Variants in LINGO2 observed in about 807,000 individuals in gnomAD.
The protein encoded by LINGO2 is leucine rich repeat and Ig domain containing 2.
LINGO2 carries 14 observed loss-of-function variants against 30.6 expected under a neutral mutation model. That is an observed-to-expected ratio of 0.46 (90% CI 0.30 to 0.72). LINGO2 has a LOEUF of 0.72. Among genes scored for constraint, LINGO2 ranks in the 30% least tolerant of loss-of-function variants. LINGO2 has a pLI of 0.07. For synonymous variants in LINGO2, 317 were observed against 288.5 expected (o/e 1.10, Z -1.00); for missense variants, 729 against 751.7 (o/e 0.97, Z 0.35).
At chr9:28,662,753 C>A (rs943903932) in intron 1 of LINGO2, among the ~76,000 whole-genome samples, 4 of 151,900 alleles carry the variant, frequency 2.6e-5, no homozygotes, top group African/African-American at 9.7e-5. Context: ...AAAATAGTGC[C>A]CGGCACATGG....
Position 28,148,018 on chromosome 9 carries a change from G to C in LINGO2, c.-86-135613C>G, listed in dbSNP as rs1827864939. Among the ~76,000 whole-genome samples the C allele has an allele frequency of 6.6e-6, 1 of 152,110 alleles. No homozygotes were observed. The highest frequency in any genetic ancestry group is 1.5e-5 in the Non-Finnish European group (1 of 68,020). On this transcript the variant is annotated intron_variant, in intron 4 of 5. Transcript: ENST00000379992. The surrounding 1 kb of genome is among the most constrained non-coding windows in gnomAD (Gnocchi z 5.1). ...ACTCATTAAGCATATTTTGTTCCTG[G>C]TTCCGCCACAGGTCCTGGCCATGCC...
intron 1 of LINGO2, among the ~76,000 whole-genome samples, chr9:28,608,452 T>C (rs1825781959): frequency 6.6e-6 from 1 of 152,038 alleles, no homozygotes; most frequent in Non-Finnish European, 1.5e-5. Context: ...TTCTAAAATA[T>C]TTCATTACAT....
intron 1 of LINGO2, among the ~76,000 whole-genome samples, chr9:28,643,080 G>A (rs1360692021): frequency 2.0e-5 from 3 of 152,004 alleles, no homozygotes; most frequent in African/African-American, 7.2e-5. Context: ...TCATATGTTA[G>A]AAGAATCAAT....
At chr9:28,705,930 A>ATT in the LINGO2 span, among the ~76,000 whole-genome samples, 10 of 151,088 alleles carry the variant, frequency 6.6e-5, no homozygotes, top group African/African-American at 2.4e-4. Flanking sequence ...AGAGTGGTTG[A>ATT]TTTTTTTTTC....
intron 4 of LINGO2, among the ~76,000 whole-genome samples, chr9:28,265,294 C>CTGAG (rs1276692406): frequency 1.3e-5 from 2 of 152,016 alleles, no homozygotes; most frequent in East Asian, 3.9e-4. Flanking sequence ...GATACCTCTT[C>CTGAG]TGAGTATAAA....
At chr9:28,700,483 G>GA in the LINGO2 span, among the ~76,000 whole-genome samples, 1 of 152,056 alleles carries the variant, frequency 6.6e-6, no homozygotes, top group South Asian at 2.1e-4. Flanking sequence ...TTTTAGAAAT[G>GA]AATAATAATC....
At chr9:28,877,730 T>C in the LINGO2 span, among the ~76,000 whole-genome samples, 9,252 of 152,212 alleles carry the variant, frequency 0.061, 927 homozygotes, top group African/African-American at 0.21. Flanking sequence ...GACTTGGCAA[T>C]GCAGGCTCTT....
chr9:28,042,918 A>G (rs1824259675), intron 4 of LINGO2, among the ~76,000 whole-genome samples: 1 of 152,202 alleles, frequency 6.6e-6, no homozygotes, highest in African/African-American at 2.4e-5. Flanking sequence ...TTTGCCAGAT[A>G]CCTAGTTCAG....
chr9:28,299,605 A>T (rs1180731467), intron 3 of LINGO2, among the ~76,000 whole-genome samples: 1 of 152,150 alleles, frequency 6.6e-6, no homozygotes, highest in Non-Finnish European at 1.5e-5. Flanking sequence ...TGAGAAGTTT[A>T]TACTATAATA....
intron 4 of LINGO2, among the ~76,000 whole-genome samples, chr9:28,227,665 A>T (rs184641025): frequency 6.6e-6 from 1 of 152,022 alleles, no homozygotes; most frequent in Non-Finnish European, 1.5e-5. Context: ...CTCCTAAAAG[A>T]CTGTTTAGAA....
chr9:28,141,315 G>A (rs902925675), intron 4 of LINGO2, among the ~76,000 whole-genome samples: 38 of 152,324 alleles, frequency 2.5e-4, no homozygotes, highest in Middle Eastern at 3.4e-3. Context: ...CCAGCCACAG[G>A]AGGAATATTT....
At chr9:28,102,694 A>T (rs748285409) in intron 4 of LINGO2, among the ~76,000 whole-genome samples, 7 of 152,122 alleles carry the variant, frequency 4.6e-5, no homozygotes, top group Non-Finnish European at 1.0e-4. Flanking sequence ...GGCATCCCAA[A>T]CCATAAAGAG....
intron 4 of LINGO2, among the ~76,000 whole-genome samples, chr9:28,123,075 T>G (rs1011672710): frequency 1.3e-5 from 2 of 152,246 alleles, no homozygotes; most frequent in South Asian, 4.1e-4. Context: ...AACATTTTCT[T>G]CTCATTCTTG....
the LINGO2 span, among the ~76,000 whole-genome samples, chr9:28,940,135 C>G: frequency 1.3e-5 from 2 of 152,116 alleles, no homozygotes; most frequent in African/African-American, 4.8e-5. Flanking sequence ...TTTCCCAAAC[C>G]TTACATGTTG....
At chr9:28,070,471 G>A (rs560963831) in intron 4 of LINGO2, among the ~76,000 whole-genome samples, 55 of 152,246 alleles carry the variant, frequency 3.6e-4, no homozygotes, top group Admixed American at 5.9e-4. Flanking sequence ...TTATTTGATT[G>A]TCCTACAGTC....
At chr9:28,092,549 G>A (rs528030350) in intron 4 of LINGO2, among the ~76,000 whole-genome samples, 1 of 149,198 alleles carries the variant, frequency 6.7e-6, no homozygotes, top group Non-Finnish European at 1.5e-5. Flanking sequence ...CCTGTTGTGC[G>A]GTGGGGGGGA....
chr9:28,577,886 A>G (rs1824068527), intron 1 of LINGO2, among the ~76,000 whole-genome samples: 1 of 152,224 alleles, frequency 6.6e-6, no homozygotes, highest in Admixed American at 6.5e-5. Flanking sequence ...ATTTTCACCC[A>G]GCAGCTATGG....
Position 28,062,782 on chromosome 9 carries a change from TATGGTTTCTTC to T in LINGO2, c.-86-50388_-86-50378del, listed in dbSNP as rs1176513334. Among the ~76,000 whole-genome samples, 3 of 151,330 alleles carry T rather than the reference TATGGTTTCTTC, an allele frequency of 2.0e-5. No individual in the cohort carries two copies. The East Asian group carries it at 5.8e-4, about 29-fold the overall frequency. On this transcript the variant is annotated intron_variant, in intron 4 of 5. Transcript: ENST00000379992. ...TATCATACAATCTACCCATTTAAAA[TATGGTTTCTTC>T]AGTTTTTTGGTACGTTCATAGAGGT...
intron 3 of LINGO2, among the ~76,000 whole-genome samples, chr9:28,358,126 T>A (rs1295874063): frequency 6.6e-6 from 1 of 152,208 alleles, no homozygotes; most frequent in Admixed American, 6.5e-5. Flanking sequence ...TAAAACAGGT[T>A]AGTAATAACC....
Sources: allele counts gnomAD v4.1 joint callset (sites outside exome capture counted in the v4.1 genomes callset), GRCh38; gene constraint gnomAD v4.1.1; non-coding constraint Gnocchi (gnomAD v3.1); transcripts MANE v1.5; gene names NCBI Gene and HGNC (gene_info 2026-07-23, HGNC 2026-07-21).